The following ZKSCAN2 variants were observed in gnomAD, a reference collection of about 807,000 sequenced individuals.
The protein encoded by ZKSCAN2 is zinc finger protein with KRAB and SCAN domains 2.
In ZKSCAN2, 38 loss-of-function variants were observed where a neutral mutation model predicts 90.5. The ratio of observed to expected loss-of-function variants is 0.42; its 90% CI spans 0.32 to 0.55. The LOEUF (loss-of-function observed/expected upper bound fraction) is 0.55, where lower values mean the gene tolerates loss of function less well. Ranked by LOEUF, ZKSCAN2 falls within the 20% of genes least tolerant of loss-of-function variation. ZKSCAN2 has a pLI of 0.11. For synonymous variants in ZKSCAN2, 429 were observed against 421.6 expected (o/e 1.02, Z -0.22); for missense variants, 1,167 against 1,202.6 (o/e 0.97, Z 0.44).
At chr16:25,255,755 A>AT (rs1229930351) in intron 1 of ZKSCAN2, among the ~76,000 whole-genome samples, 1 of 151,996 alleles carries the variant, frequency 6.6e-6, no homozygotes, top group Non-Finnish European at 1.5e-5. Flanking sequence ...CTAATTTTAT[A>AT]TTTTTTTAGT....
chr16:25,257,632 G>T lies in ZKSCAN2; in HGVS notation c.-505C>A. 1 of 459,968 alleles carries T rather than the reference G, an allele frequency of 2.2e-6. No individual in the cohort carries two copies. Among genetic ancestry groups the T allele is most frequent in the Non-Finnish European group, 2.9e-6 (1 of 350,100 alleles). 28.5% of individuals were successfully genotyped at this position (459,968 alleles called of 1,614,324 possible). Reference sequence around the variant, plus strand: ...CCAGGCCGCCGCGGGTGCCGCTGGGGCCGCCGGATTCCGAGAGCGGCGCCG... The same window carrying T: ...CCAGGCCGCCGCGGGTGCCGCTGGGTCCGCCGGATTCCGAGAGCGGCGCCG... On this transcript the variant is annotated 5_prime_UTR_variant, in exon 1 of 7. Transcript: ENST00000328086.
rs1185768786 is a variant in ZKSCAN2 at position 25,257,172 on chromosome 16, C to A, written c.-45G>T. 2.6e-6 allele frequency: 4 copies of A among 1,534,272 alleles called. No individual in the cohort carries two copies. Among genetic ancestry groups the A allele is most frequent in the East Asian group, 4.5e-5 (2 of 44,282 alleles). ...CTTCACGTCTAGCTCAAGGTGGGGA[C>A]CCAAAGAAGACTCCAAGCGCTCCCT... On this transcript the variant is annotated 5_prime_UTR_variant, in exon 1 of 7. Coordinates refer to ENST00000328086, the MANE Select transcript of ZKSCAN2 (RefSeq NM_001012981.5).
At chr16:25,248,126 A>C (rs1471631650) in intron 4 of ZKSCAN2, among the ~76,000 whole-genome samples, 1 of 152,098 alleles carries the variant, frequency 6.6e-6, no homozygotes, top group East Asian at 1.9e-4. Context: ...TAAATATAAG[A>C]CCTGAAACCA....
intron 4 of ZKSCAN2, among the ~76,000 whole-genome samples, chr16:25,251,495 C>T (rs1157786551): frequency 1.3e-5 from 2 of 152,076 alleles, no homozygotes; most frequent in Non-Finnish European, 2.9e-5. Context: ...CTGTTAAGAA[C>T]AGAAAGCAAA....
intron 5 of ZKSCAN2, among the ~76,000 whole-genome samples, chr16:25,245,727 G>A (rs1378143079): frequency 1.3e-5 from 2 of 149,954 alleles, no homozygotes; most frequent in African/African-American, 2.5e-5. Context: ...CCGAGATTGC[G>A]CCACTGCACT....
chr16:25,246,550 A>C lies in ZKSCAN2; in HGVS notation c.1489+157T>G, dbSNP rs1332340828. 4.1e-6 allele frequency: 3 copies of C among 725,098 alleles called. No homozygotes were observed. The Admixed American group carries it at 7.6e-5, about 18-fold the overall frequency. 44.9% of individuals were successfully genotyped at this position (725,098 alleles called of 1,614,324 possible). A position where few individuals can be genotyped will look rare whatever the true frequency, so the allele number is the denominator to read the frequency against. On this transcript the variant is annotated intron_variant, in intron 5 of 6. Transcript: ENST00000328086. ...TCTGACTGCAATGGGGGCAGCAGCA[A>C]GCACCTGAGAGTACTTCAGTGATGT...
At chr16:25,244,383 T>A in intron 5 of ZKSCAN2, 107 bp from the exon 6 acceptor site, 1 of 1,263,004 alleles carries the variant, frequency 7.9e-7, no homozygotes, top group Non-Finnish European at 1.1e-6. Context: ...CCATTCACAG[T>A]GGCAACAAGA....
At position 25,243,852 on chromosome 16, in the gene ZKSCAN2, C is replaced by T; in HGVS notation, c.1914G>A (p.Met638Ile). 1.2e-6 allele frequency: 2 copies of T among 1,614,108 alleles called. No homozygotes were observed. Among genetic ancestry groups the T allele is most frequent in the Non-Finnish European group, 1.7e-6 (2 of 1,180,030 alleles). ...AVIEDSCSER[M>I]SEEEIVQEPE... ...GCTCTTGCACAATTTCCTCCTCGCTCATTCTCTCACTGCAAGAGTCTTCTA... is the reference window on the plus strand; with the variant it reads ...GCTCTTGCACAATTTCCTCCTCGCTTATTCTCTCACTGCAAGAGTCTTCTA... Residue 638 changes from methionine to isoleucine, a missense_variant, in exon 6 of 7, where the codon ATG becomes ATA. Coordinates refer to ENST00000328086, the MANE Select transcript of ZKSCAN2 (RefSeq NM_001012981.5).
chr16:25,252,301 G>T lies in ZKSCAN2; in HGVS notation c.679-266C>A, dbSNP rs564337705. Among the ~76,000 whole-genome samples the T allele has an allele frequency of 5.3e-5, 8 of 152,056 alleles. No homozygotes were observed. In the East Asian group the frequency reaches 1.5e-3, roughly 29 times the overall value. Reference sequence around the variant, plus strand: ...GGGAAATATACTTATACACTTGTGAGGACTATAAGTGTATTTACAGTAAGT... The same window carrying T: ...GGGAAATATACTTATACACTTGTGATGACTATAAGTGTATTTACAGTAAGT... On this transcript the variant is annotated intron_variant, in intron 3 of 6. Transcript: ENST00000328086.
chr16:25,245,881 T>C (rs1003760980), intron 5 of ZKSCAN2, among the ~76,000 whole-genome samples: 2 of 152,202 alleles, frequency 1.3e-5, no homozygotes, highest in Admixed American at 1.3e-4. Context: ...AGTGCCTTCA[T>C]TTATATTATC....
At chr16:25,247,986 C>T (rs1173713054) in intron 4 of ZKSCAN2, among the ~76,000 whole-genome samples, 2 of 152,090 alleles carry the variant, frequency 1.3e-5, no homozygotes, top group Middle Eastern at 3.2e-3. Flanking sequence ...GTGCCAAGAA[C>T]ACATCACTGG....
rs746516370 is a variant in ZKSCAN2 at position 25,240,366 on chromosome 16, C to A, written c.2354G>T (p.Gly785Val). Reference sequence around the variant, plus strand: ...GTGTCTGATCAGGCTCCTGCTTCTACCAAAGCACTTCCCACAGACACCACA... The same window carrying A: ...GTGTCTGATCAGGCTCCTGCTTCTAACAAAGCACTTCCCACAGACACCACA... ...YKCGVCGKCF[G>V]RSRSLIRHQR... Residue 785 changes from glycine to valine, a missense_variant, in exon 7 of 7, where the codon GGT (glycine) becomes GTT (valine). Gly to Val is a moderately radical substitution (Grantham distance 109). Transcript: ENST00000328086. 18 of 1,614,028 alleles carry A rather than the reference C, an allele frequency of 1.1e-5. No individual in the cohort carries two copies. Among genetic ancestry groups the A allele is most frequent in the Middle Eastern group, 1.6e-4 (1 of 6,082 alleles).
At chr16:25,251,801 A>C in intron 4 of ZKSCAN2, 108 bp downstream of exon 4, 1 of 1,335,880 alleles carries the variant, frequency 7.5e-7, no homozygotes, top group Non-Finnish European at 1.0e-6. Context: ...GACAATCCTT[A>C]GAGATCCTTT....
chr16:25,246,655 C>T (rs1004782499), intron 5 of ZKSCAN2, 52 bp downstream of exon 5: 1 of 1,600,772 alleles, frequency 6.2e-7, no homozygotes, highest in African/African-American at 1.3e-5. Context: ...CTCCTTTTTC[C>T]ACAAGATCAC....
In ZKSCAN2 at chr16:25,239,975, A is replaced by G. The variant is rs551460206; in HGVS notation, c.2745T>C (p.Tyr915=). The change falls in exon 7 of 7, where the codon TAT becomes TAC. Residue 915 remains tyrosine, a synonymous_variant. Coordinates refer to ENST00000328086, the MANE Select transcript of ZKSCAN2 (RefSeq NM_001012981.5). The stretch of plus-strand genomic sequence containing the variant: ...AACGTTTGCCACACTGGGCACATCC[A>G]TAGGGCTTCTCTCCAGTGTGTATTC... The part of the protein sequence containing the change: ...HRRIHTGEKP[Y]GCAQCGKRFS... 163 of 1,614,154 alleles carry G rather than the reference A, an allele frequency of 1.0e-4. 1 individual carries two copies. In the East Asian group the frequency reaches 3.0e-3, roughly 30 times the overall value.
intron 4 of ZKSCAN2, among the ~76,000 whole-genome samples, chr16:25,249,824 A>G (rs534585467): frequency 3.7e-4 from 56 of 152,362 alleles, no homozygotes; most frequent in African/African-American, 1.3e-3. Flanking sequence ...AATATGATCC[A>G]GCAATCCCAC....
intron 4 of ZKSCAN2, 151 bp downstream of exon 4, chr16:25,251,758 G>A (rs1250041368): frequency 1.3e-6 from 1 of 747,370 alleles, no homozygotes. Context: ...AGGAGTGGGT[G>A]AGGGAAGAGA....
chr16:25,252,885 T>C (rs1471458907), intron 3 of ZKSCAN2, 61 bp downstream of exon 3: 2 of 1,381,852 alleles, frequency 1.4e-6, no homozygotes. Context: ...GCCACTGTAC[T>C]CCACCGTGGG....
intron 5 of ZKSCAN2, among the ~76,000 whole-genome samples, chr16:25,244,848 A>G (rs555447181): frequency 6.6e-6 from 1 of 152,376 alleles, no homozygotes; most frequent in Admixed American, 6.5e-5. Flanking sequence ...CTGTAAGACA[A>G]GACTATGTTC....
Sources: gnomAD v4.1 joint callset for allele counts (sites outside exome capture counted in the v4.1 genomes callset) on GRCh38, gnomAD v4.1.1 for gene constraint, MANE v1.5 for transcripts, NCBI Gene and HGNC (gene_info 2026-07-23, HGNC 2026-07-21) for gene names.